Variants in RSPO3 observed in about 807,000 individuals in gnomAD.
The protein encoded by RSPO3 is R-spondin-3.
A neutral mutation model predicts 36.5 loss-of-function variants in RSPO3; 17 were observed. The ratio of observed to expected loss-of-function variants is 0.47; its 90% CI spans 0.32 to 0.70. The LOEUF (loss-of-function observed/expected upper bound fraction) is 0.70. Ranked by LOEUF, RSPO3 falls within the 30% of genes least tolerant of loss-of-function variation. RSPO3 has a pLI of 0.04. For missense variants in RSPO3, 294 were observed against 322.5 expected, an observed-to-expected ratio of 0.91 and a Z score of 0.68; for synonymous variants, 108 against 107.0, an observed-to-expected ratio of 1.01 and a Z score of -0.06.
chr6:127,139,483 A>C (rs1456441197), intron 1 of RSPO3, among the ~76,000 whole-genome samples: 2 of 152,094 alleles, frequency 1.3e-5, no homozygotes, highest in East Asian at 3.9e-4. Context: ...CATTACCATT[A>C]AACTGTCACA....
Position 127,164,793 on chromosome 6 carries a change from A to G in RSPO3, c.634+9355A>G, listed in dbSNP as rs556262663. Among the ~76,000 whole-genome samples, 6 of 152,184 alleles carry G rather than the reference A, an allele frequency of 3.9e-5. No individual in the cohort carries two copies. The South Asian group carries it at 1.2e-3, about 32-fold the overall frequency. ...GCGGTGTTTATATTGTGTATACACC[A>G]CCAGGTCATAACTCTAGCCTCTGTG... On this transcript the variant is annotated intron_variant, in intron 4 of 4. Transcript: ENST00000356698.
At chr6:127,180,491 A>C (rs932856108) in intron 4 of RSPO3, among the ~76,000 whole-genome samples, 8 of 145,176 alleles carry the variant, frequency 5.5e-5, no homozygotes, top group African/African-American at 1.0e-4. Context: ...AGAAAACAAA[A>C]AAAAAAAAAA....
In RSPO3 at chr6:127,190,935, C is replaced by T. The variant is rs552576090; in HGVS notation, c.635-4888C>T. On this transcript the variant is annotated intron_variant, in intron 4 of 4. Coordinates refer to ENST00000356698, the MANE Select transcript of RSPO3 (RefSeq NM_032784.5). ...GGGAAAGCAACTCTTTTTTTCATAACCTCATTATGTTTAAAGGATATTGAA... is the reference window on the plus strand; with the variant it reads ...GGGAAAGCAACTCTTTTTTTCATAATCTCATTATGTTTAAAGGATATTGAA... Among the ~76,000 whole-genome samples the T allele has an allele frequency of 4.9e-4, 75 of 152,116 alleles. 1 individual carries two copies. Among genetic ancestry groups the T allele is most frequent in the African/African-American group, 1.8e-3 (74 of 41,486 alleles).
chr6:127,183,161 TCAA>T (rs1775223795), intron 4 of RSPO3, among the ~76,000 whole-genome samples: 1 of 151,940 alleles, frequency 6.6e-6, no homozygotes, highest in Non-Finnish European at 1.5e-5. Flanking sequence ...TCTGAAGTCT[TCAA>T]ATCACTAAAA....
chr6:127,162,392 C>A (rs1042483765), intron 4 of RSPO3, among the ~76,000 whole-genome samples: 12 of 152,114 alleles, frequency 7.9e-5, no homozygotes, highest in African/African-American at 2.9e-4. Context: ...ACTTAACAAT[C>A]TCTTATTGTC....
At chr6:127,170,434 T>C (rs28665516) in intron 4 of RSPO3, among the ~76,000 whole-genome samples, 2 of 148,890 alleles carry the variant, frequency 1.3e-5, no homozygotes, top group African/African-American at 2.5e-5. Context: ...GTTCCACACA[T>C]ACACACACAC....
chr6:127,172,157 A>G (rs986987871), intron 4 of RSPO3, among the ~76,000 whole-genome samples: 33 of 150,646 alleles, frequency 2.2e-4, no homozygotes, highest in Admixed American at 1.8e-3. Flanking sequence ...CCTGTTTCAC[A>G]AGCCTATATT....
chr6:127,161,299 T>A (rs996449174), intron 4 of RSPO3, among the ~76,000 whole-genome samples: 3 of 152,180 alleles, frequency 2.0e-5, no homozygotes, highest in Non-Finnish European at 2.9e-5. Flanking sequence ...AAATGACAGT[T>A]TTTAAGTTTC....
Position 127,197,260 on chromosome 6 carries a change from A to AT in RSPO3, c.*1257dup. The AT allele has an allele frequency of 1.3e-6, 1 of 797,550 alleles. No individual in the cohort carries two copies. The highest frequency in any genetic ancestry group is 1.9e-6 in the Non-Finnish European group (1 of 520,936). 49.4% of individuals were successfully genotyped at this position (797,550 alleles called of 1,614,324 possible). A position where few individuals can be genotyped will look rare whatever the true frequency, so the allele number is the denominator to read the frequency against. On this transcript the variant is annotated 3_prime_UTR_variant, in exon 5 of 5. Transcript: ENST00000356698. ...TAGGAGATATTTATTCCATTTTCTT[A>AT]TTTTAATCAACATTCTAATTATAGA...
intron 1 of RSPO3, among the ~76,000 whole-genome samples, chr6:127,125,260 C>T (rs1017264166): frequency 2.0e-5 from 3 of 152,130 alleles, no homozygotes; most frequent in Admixed American, 6.5e-5. Flanking sequence ...AAAACACCGC[C>T]TTATTAATGT....
chr6:127,133,033 A>G (rs1774087927), intron 1 of RSPO3, among the ~76,000 whole-genome samples: 2 of 152,134 alleles, frequency 1.3e-5, no homozygotes, highest in Non-Finnish European at 2.9e-5. Context: ...TCACAATATG[A>G]GATTTCTTCT....
At chr6:127,160,762 T>C (rs917815374) in intron 4 of RSPO3, among the ~76,000 whole-genome samples, 17 of 152,118 alleles carry the variant, frequency 1.1e-4, no homozygotes, top group African/African-American at 3.9e-4. Flanking sequence ...TTCCACTCCA[T>C]GCCTGTTTTA....
At chr6:127,168,388 G>C (rs541362320) in intron 4 of RSPO3, among the ~76,000 whole-genome samples, 6 of 133,284 alleles carry the variant, frequency 4.5e-5, no homozygotes, top group African/African-American at 5.5e-5. Flanking sequence ...GTCTGTTGGC[G>C]CATAAATGTC....
intron 4 of RSPO3, among the ~76,000 whole-genome samples, chr6:127,155,646 G>A (rs573523921): frequency 6.6e-6 from 1 of 152,176 alleles, no homozygotes; most frequent in South Asian, 2.1e-4. Flanking sequence ...TACTATAGAA[G>A]TGTGCTAATT....
intron 4 of RSPO3, among the ~76,000 whole-genome samples, chr6:127,195,243 A>G (rs1775490983): frequency 6.6e-6 from 1 of 152,168 alleles, no homozygotes; most frequent in South Asian, 2.1e-4. Flanking sequence ...ATCAGGGCTC[A>G]CTGCAGCCTT....
intron 2 of RSPO3, among the ~76,000 whole-genome samples, chr6:127,149,994 T>C (rs1774457400): frequency 6.6e-6 from 1 of 151,948 alleles, no homozygotes; most frequent in Non-Finnish European, 1.5e-5. Context: ...TCAACCAATA[T>C]AAAAAACAAT....
In RSPO3 at chr6:127,197,749, A is replaced by C; in HGVS notation, c.*1742A>C. ...TTCTCTCTTCCTCTTCTAAGATATA[A>C]ACATTTTAAATGATTTATTCCTGTT... On this transcript the variant is annotated 3_prime_UTR_variant, in exon 5 of 5. Coordinates refer to ENST00000356698, the MANE Select transcript of RSPO3 (RefSeq NM_032784.5). 4.4e-6 allele frequency: 2 copies of C among 453,878 alleles called. No individual in the cohort carries two copies. The highest frequency in any genetic ancestry group is 3.9e-5 in the Admixed American group (1 of 25,744). The allele number at this position is 453,878 out of a possible 1,614,324, so 28.1% of individuals were successfully genotyped here.
In RSPO3 at chr6:127,155,414, A is replaced by T; in HGVS notation, c.610A>T (p.Lys204Ter). The T allele has an allele frequency of 6.2e-7, 1 of 1,613,686 alleles. No homozygotes were observed. Among genetic ancestry groups the T allele is most frequent in the Non-Finnish European group, 8.5e-7 (1 of 1,179,754 alleles). Residue 204 changes from lysine to a stop codon, truncating the protein, a stop_gained, in exon 4 of 5, where the codon AAG (lysine) becomes TAG (stop). Transcript: ENST00000356698. LOFTEE classifies it high-confidence loss of function. ...GACAAGAAAGTGTACAGTGCAAAGG[A>T]AGAAGTGTCAGAAGGGAGAACGAGG... ...NETRKCTVQR[K>*]KCQKGERGKK... is the part of the protein sequence containing the mutation.
chr6:127,181,846 G>A (rs17812916), intron 4 of RSPO3, among the ~76,000 whole-genome samples: 10,189 of 151,852 alleles, frequency 0.067, 484 homozygotes, highest in Non-Finnish European at 0.1. Context: ...ACGTATCCCC[G>A]TTTCTACCTG....
Sources: allele counts gnomAD v4.1 joint callset (sites outside exome capture counted in the v4.1 genomes callset), GRCh38; gene constraint gnomAD v4.1.1; transcripts MANE v1.5; gene names NCBI Gene and HGNC (gene_info 2026-07-23, HGNC 2026-07-21).